THSD7B: variants seen among roughly 807,000 people sequenced by gnomAD.
THSD7B encodes the protein thrombospondin type-1 domain-containing protein 7B.
THSD7B carries 138 observed loss-of-function variants against 213.6 expected under a neutral mutation model. The ratio of observed to expected loss-of-function variants is 0.65; its 90% CI spans 0.56 to 0.74. The LOEUF is 0.74. THSD7B is among the 30% of genes least tolerant of loss of function. The probability of loss-of-function intolerance (pLI) is 0.00; values close to 1 mark genes in which losing one functional copy is unlikely to be tolerated. For synonymous variants in THSD7B, 742 were observed against 687.0 expected, an observed-to-expected ratio of 1.08 and a Z score of -1.25; for missense variants, 1,931 against 1,991.5, an observed-to-expected ratio of 0.97 and a Z score of 0.58.
intron 2 of THSD7B, among the ~76,000 whole-genome samples, chr2:136,905,763 C>A (rs1287722492): frequency 6.6e-6 from 1 of 152,184 alleles, no homozygotes; most frequent in Non-Finnish European, 1.5e-5. Context: ...GACAAATGAT[C>A]ATTATGGATA....
At chr2:137,355,494 G>A (rs1558767822) in intron 12 of THSD7B, among the ~76,000 whole-genome samples, 1 of 152,004 alleles carries the variant, frequency 6.6e-6, no homozygotes, top group Non-Finnish European at 1.5e-5. Flanking sequence ...CTCAATACAA[G>A]ATAAAAAGTA....
At chr2:136,940,822 GTTC>G (rs1684811003) in intron 2 of THSD7B, among the ~76,000 whole-genome samples, 1 of 143,498 alleles carries the variant, frequency 7.0e-6, no homozygotes, top group African/African-American at 2.6e-5. Context: ...TTTTGTAGGT[GTTC>G]TTTATCAAAT....
rs575934864 is a variant in THSD7B at position 136,915,005 on chromosome 2, A to G, written c.139+32688A>G. ...AAAGATGGCATTTTAGACTAGAAAA[A>G]TTCAAGTTAAAAATAATTGCATTTT... is the stretch of plus-strand genomic sequence containing the variant. On this transcript the variant is annotated intron_variant, in intron 2 of 27. Transcript: ENST00000409968. Among the ~76,000 whole-genome samples, 6 of 152,326 alleles carry G rather than the reference A, an allele frequency of 3.9e-5. No homozygotes were observed. The South Asian group carries it at 1.2e-3, about 32-fold the overall frequency.
At chr2:137,115,011 A>T in intron 4 of THSD7B, 113 bp from the exon 5 acceptor site, 1 of 1,154,740 alleles carries the variant, frequency 8.7e-7, no homozygotes, top group Non-Finnish European at 1.2e-6. Context: ...ACAGGCAAAG[A>T]TTTGGCCCTA....
At chr2:136,785,251 T>G (rs1034253567) in intron 1 of THSD7B, among the ~76,000 whole-genome samples, 1 of 152,164 alleles carries the variant, frequency 6.6e-6, no homozygotes, top group Non-Finnish European at 1.5e-5. Flanking sequence ...CCTCTAGCAC[T>G]GGGAGATCCA....
At chr2:137,510,867 G>T (rs1351919298) in intron 15 of THSD7B, among the ~76,000 whole-genome samples, 2 of 152,042 alleles carry the variant, frequency 1.3e-5, no homozygotes, top group South Asian at 4.2e-4. Context: ...TATACTATTC[G>T]GGGTTTGTTG....
intron 5 of THSD7B, among the ~76,000 whole-genome samples, chr2:137,123,235 A>G (rs759191700): frequency 6.6e-6 from 1 of 152,126 alleles, no homozygotes; most frequent in African/African-American, 2.4e-5. Flanking sequence ...CTTGAGTAGC[A>G]GCTGAGAGGC....
At chr2:137,269,000 T>G (rs1249868617) in intron 10 of THSD7B, among the ~76,000 whole-genome samples, 2 of 152,144 alleles carry the variant, frequency 1.3e-5, no homozygotes, top group African/African-American at 4.8e-5. Context: ...AATTGAATGC[T>G]AAATATGTCC....
chr2:137,058,942 A>G (rs1406566359), intron 3 of THSD7B, among the ~76,000 whole-genome samples: 1 of 152,114 alleles, frequency 6.6e-6, no homozygotes, highest in African/African-American at 2.4e-5. Flanking sequence ...GTTGTTTTTT[A>G]AGCCATCCAG....
intron 10 of THSD7B, among the ~76,000 whole-genome samples, chr2:137,249,695 C>A (rs187010482): frequency 6.6e-6 from 1 of 152,162 alleles, no homozygotes; most frequent in Non-Finnish European, 1.5e-5. Context: ...GTAACTGCTC[C>A]GAGGTTACCC....
At chr2:136,830,034 A>G (rs958560850) in intron 1 of THSD7B, among the ~76,000 whole-genome samples, 12 of 151,978 alleles carry the variant, frequency 7.9e-5, no homozygotes, top group African/African-American at 2.9e-4. Context: ...TTATGTTCAG[A>G]CACAAATCTA....
At chr2:137,313,002 T>C (rs2104864879) in intron 12 of THSD7B, among the ~76,000 whole-genome samples, 1 of 149,314 alleles carries the variant, frequency 6.7e-6, no homozygotes, top group East Asian at 2.0e-4. Context: ...GGGTGGAGAG[T>C]TCTGTAGATG....
At chr2:137,116,953 G>A (rs1688456207) in intron 5 of THSD7B, among the ~76,000 whole-genome samples, 2 of 152,198 alleles carry the variant, frequency 1.3e-5, no homozygotes, top group Admixed American at 6.5e-5. Flanking sequence ...AAAACAGAAA[G>A]TACTTAGAAA....
At chr2:137,422,270 G>A (rs551171116) in intron 14 of THSD7B, among the ~76,000 whole-genome samples, 128 of 152,272 alleles carry the variant, frequency 8.4e-4, no homozygotes, top group African/African-American at 3.1e-3. Flanking sequence ...GTATTTCCTT[G>A]AACAACATTA....
At chr2:137,228,360 G>C (rs1229878938) in intron 7 of THSD7B, among the ~76,000 whole-genome samples, 1 of 152,052 alleles carries the variant, frequency 6.6e-6, no homozygotes. Context: ...AAAAAGCTGA[G>C]ATTTTAAAAA....
intron 2 of THSD7B, among the ~76,000 whole-genome samples, chr2:136,968,596 A>G (rs1173777649): frequency 6.6e-6 from 1 of 152,132 alleles, no homozygotes; most frequent in Non-Finnish European, 1.5e-5. Flanking sequence ...TTTTAAAGTG[A>G]GAAGTTCTTA....
intron 1 of THSD7B, among the ~76,000 whole-genome samples, chr2:136,820,383 G>A (rs996814676): frequency 2.6e-5 from 4 of 152,184 alleles, no homozygotes; most frequent in Non-Finnish European, 1.5e-5. Context: ...GTGAAACAAA[G>A]CCATATCACC....
intron 2 of THSD7B, among the ~76,000 whole-genome samples, chr2:137,044,180 A>G (rs895167196): frequency 2.0e-5 from 3 of 152,134 alleles, no homozygotes; most frequent in African/African-American, 7.2e-5. Context: ...ACTTCTTCTT[A>G]GATCTATTTT....
intron 12 of THSD7B, among the ~76,000 whole-genome samples, chr2:137,322,891 G>A (rs1684291384): frequency 1.3e-5 from 2 of 152,148 alleles, no homozygotes; most frequent in Admixed American, 6.5e-5. Flanking sequence ...GGGACATGGA[G>A]GAGAGGATAT....
Sources: gnomAD v4.1 joint callset for allele counts (sites outside exome capture counted in the v4.1 genomes callset) on GRCh38, gnomAD v4.1.1 for gene constraint, MANE v1.5 for transcripts, NCBI Gene and HGNC (gene_info 2026-07-23, HGNC 2026-07-21) for gene names.